The following GATB variants were observed in gnomAD, a reference collection of about 807,000 sequenced individuals.
GATB encodes the protein glutamyl-tRNA(Gln) amidotransferase subunit B, mitochondrial.
In GATB, 39 loss-of-function variants were observed where a neutral mutation model predicts 62.3. That is an observed-to-expected ratio of 0.63 (90% CI 0.48 to 0.82). The LOEUF (loss-of-function observed/expected upper bound fraction) is 0.82. Among genes scored for constraint, GATB ranks in the 40% least tolerant of loss-of-function variants. GATB has a pLI of 0.00. For synonymous variants in GATB, 276 were observed against 258.9 expected (o/e 1.07, Z -0.63); for missense variants, 670 against 684.0 (o/e 0.98, Z 0.23).
chr4:151,708,127 CT>C, intron 5 of GATB, 26 bp from the exon 6 acceptor site: 1 of 1,469,990 alleles, frequency 6.8e-7, no homozygotes, highest in Non-Finnish European at 9.5e-7. Context: ...AAAACAACTC[CT>C]TAGAAATTCT....
chr4:151,678,296 A>G (rs781680276), intron 11 of GATB, among the ~76,000 whole-genome samples: 2 of 152,262 alleles, frequency 1.3e-5, no homozygotes, highest in African/African-American at 2.4e-5. Context: ...TCAGCTTCCA[A>G]CATTTTCCAT....
At chr4:151,756,577 C>T (rs1050313651) in intron 2 of GATB, among the ~76,000 whole-genome samples, 1 of 152,204 alleles carries the variant, frequency 6.6e-6, no homozygotes, top group Non-Finnish European at 1.5e-5. Flanking sequence ...GTTGTAGGCT[C>T]TGAAGAGGAA....
chr4:151,740,075 A>G (rs1171313659), intron 2 of GATB, among the ~76,000 whole-genome samples: 1 of 152,212 alleles, frequency 6.6e-6, no homozygotes, highest in African/African-American at 2.4e-5. Context: ...GCATTTTTCA[A>G]TCAAGCTATT....
At chr4:151,705,114 G>T in intron 7 of GATB, 71 bp downstream of exon 7, 1 of 1,008,458 alleles carries the variant, frequency 9.9e-7, no homozygotes, top group Non-Finnish European at 1.6e-6. Context: ...CACATGGCTG[G>T]TCAGTGGCTG....
At chr4:151,704,926 T>C (rs538142624) in intron 7 of GATB, among the ~76,000 whole-genome samples, 1 of 142,660 alleles carries the variant, frequency 7.0e-6, no homozygotes, top group East Asian at 2.1e-4. Context: ...TTTTTTGTAT[T>C]TTTTTAGTAG....
intron 5 of GATB, among the ~76,000 whole-genome samples, chr4:151,712,587 G>A (rs991132165): frequency 6.6e-6 from 1 of 152,090 alleles, no homozygotes. Flanking sequence ...AGATGCAGTG[G>A]GTAAGGTTTG....
intron 5 of GATB, among the ~76,000 whole-genome samples, chr4:151,713,552 C>G (rs960277418): frequency 6.6e-6 from 1 of 152,214 alleles, no homozygotes; most frequent in Non-Finnish European, 1.5e-5. Context: ...TTCCTTTCCT[C>G]TTTGGTTTCT....
intron 12 of GATB, among the ~76,000 whole-genome samples, chr4:151,672,272 G>A (rs1309441385): frequency 6.6e-6 from 1 of 152,100 alleles, no homozygotes; most frequent in Non-Finnish European, 1.5e-5. Context: ...CTCCTGTCAG[G>A]GATTTTCTCC....
intron 12 of GATB, chr4:151,672,507 T>A: frequency 2.3e-6 from 1 of 432,914 alleles, no homozygotes; most frequent in Non-Finnish European, 4.2e-6. Flanking sequence ...TGACACCCTT[T>A]TAAACTACAC....
rs1390033056 is a variant in GATB, at chr4:151,671,210, C to CATG, written c.1635_1637dup (p.Val545_Met546insIle). ...GCTTCTTCTCCAGGATCTCCTTTAT[C>CATG]ATGACTGGATCTGCTCGGCTTTGAG... On this transcript the variant is annotated inframe_insertion, in exon 13 of 13. Transcript: ENST00000263985. The CATG allele has an allele frequency of 6.2e-7, 1 of 1,614,188 alleles. No homozygotes were observed. Among genetic ancestry groups the CATG allele is most frequent in the Non-Finnish European group, 8.5e-7 (1 of 1,180,032 alleles).
chr4:151,697,609 T>A (rs942062235), intron 9 of GATB, among the ~76,000 whole-genome samples: 3 of 151,014 alleles, frequency 2.0e-5, no homozygotes, highest in Non-Finnish European at 4.4e-5. Flanking sequence ...AGCCCCTACA[T>A]TTATATTATA....
At chr4:151,716,267 T>C in intron 4 of GATB, 136 bp from the exon 5 acceptor site, 3 of 793,644 alleles carry the variant, frequency 3.8e-6, no homozygotes, top group Non-Finnish European at 5.4e-6. Flanking sequence ...TCATTTCTCT[T>C]CCCTCCCACC....
intron 5 of GATB, among the ~76,000 whole-genome samples, chr4:151,710,495 C>G (rs1282482818): frequency 6.6e-6 from 1 of 152,150 alleles, no homozygotes; most frequent in Non-Finnish European, 1.5e-5. Context: ...GTTTCACTTC[C>G]CATTTATTCC....
At chr4:151,723,007 A>C (rs1409987725) in intron 2 of GATB, 1 of 152,200 alleles carries the variant, frequency 6.6e-6, no homozygotes, top group African/African-American at 2.4e-5. Flanking sequence ...AAAAAGACTA[A>C]CTTGGCTTGA....
rs1420315129 is a variant in GATB at position 151,703,568 on chromosome 4, C to T, written c.1007+283G>A. On this transcript the variant is annotated intron_variant, in intron 8 of 12. Transcript: ENST00000263985. ...GGCCCCAACCTCTACAGCCATCCTC[C>T]TAGCTCAACTATGACAACTTTGACA... 36 of 485,766 alleles carry T rather than the reference C, an allele frequency of 7.4e-5. No individual in the cohort carries two copies. In the East Asian group the frequency reaches 1.4e-3, roughly 19 times the overall value. 30.1% of individuals were successfully genotyped at this position (485,766 alleles called of 1,614,324 possible).
intron 12 of GATB, 22 bp downstream of exon 12, chr4:151,672,740 C>A: frequency 6.2e-7 from 1 of 1,611,912 alleles, no homozygotes; most frequent in Non-Finnish European, 8.5e-7. Flanking sequence ...CTCTGGCCCT[C>A]TCCCCTGCCC....
intron 5 of GATB, among the ~76,000 whole-genome samples, chr4:151,713,064 G>C (rs1004749361): frequency 1.3e-5 from 2 of 152,032 alleles, no homozygotes; most frequent in African/African-American, 4.8e-5. Flanking sequence ...ATAGGAGCAC[G>C]AACCCTATTG....
chr4:151,734,961 C>T (rs1233194501), intron 2 of GATB, among the ~76,000 whole-genome samples: 2 of 152,138 alleles, frequency 1.3e-5, no homozygotes, highest in African/African-American at 4.8e-5. Flanking sequence ...AAACCTAAGA[C>T]CTGAAACTAT....
intron 2 of GATB, among the ~76,000 whole-genome samples, chr4:151,736,247 A>C (rs949186205): frequency 6.6e-6 from 1 of 152,246 alleles, no homozygotes; most frequent in Non-Finnish European, 1.5e-5. Context: ...CAGTATCTAT[A>C]GAAAAGTATA....
Sources: allele counts gnomAD v4.1 joint callset (sites outside exome capture counted in the v4.1 genomes callset), GRCh38; gene constraint gnomAD v4.1.1; transcripts MANE v1.5; gene names NCBI Gene and HGNC (gene_info 2026-07-23, HGNC 2026-07-21).